PTPRE: variants seen among roughly 807,000 people sequenced by gnomAD.
PTPRE encodes receptor-type tyrosine-protein phosphatase epsilon.
Under a neutral mutation model 102.0 loss-of-function variants are expected in PTPRE, and 51 were observed. The observed-to-expected ratio is 0.50, with a 90% confidence interval of 0.40 to 0.63. PTPRE has a LOEUF of 0.63. PTPRE is among the 30% of genes least tolerant of loss of function. The probability of loss-of-function intolerance (pLI) is 0.00; values close to 1 mark genes in which losing one functional copy is unlikely to be tolerated. For missense variants in PTPRE, 752 were observed against 915.1 expected (o/e 0.82, Z 2.30); for synonymous variants, 345 against 348.2 (o/e 0.99, Z 0.10).
chr10:127,973,640 C>T (rs1850928036), intron 1 of PTPRE, among the ~76,000 whole-genome samples: 1 of 151,978 alleles, frequency 6.6e-6, no homozygotes. Context: ...GCTCTGAGTA[C>T]CATATTCCTG....
In PTPRE at chr10:128,072,154, G is replaced by T; in HGVS notation, c.1404G>T (p.Val468=). Residue 468 remains valine, a synonymous_variant, in exon 16 of 21, where the codon GTG becomes GTT. Coordinates refer to ENST00000254667, the MANE Select transcript of PTPRE (RefSeq NM_006504.6). ...IQIIPYDFNR[V]ILSMKRGQEY... ...GCTTTGCAGATGACTTCAACCGAGT[G>T]ATCCTTTCCATGAAAAGGGGTCAAG... 1 of 1,613,882 alleles carries T rather than the reference G, an allele frequency of 6.2e-7. No homozygotes were observed. Among genetic ancestry groups the T allele is most frequent in the Non-Finnish European group, 8.5e-7 (1 of 1,179,880 alleles).
intron 1 of PTPRE, among the ~76,000 whole-genome samples, chr10:127,931,813 T>C (rs1008268482): frequency 6.6e-6 from 1 of 152,254 alleles, no homozygotes; most frequent in Non-Finnish European, 1.5e-5. Flanking sequence ...TATTACTGTT[T>C]ATCTCCACAA....
At chr10:128,082,350 T>C (rs2136097287) in intron 20 of PTPRE, among the ~76,000 whole-genome samples, 1 of 151,882 alleles carries the variant, frequency 6.6e-6, no homozygotes, top group African/African-American at 2.4e-5. Flanking sequence ...TAGCTGGGAC[T>C]ATGGGTGTGC....
intron 6 of PTPRE, among the ~76,000 whole-genome samples, chr10:128,053,759 T>A (rs3935272): frequency 0.12 from 17,724 of 151,704 alleles, 1,074 homozygotes; most frequent in Non-Finnish European, 0.14. Context: ...TTAATTTATT[T>A]ATTTATTTAT....
At position 128,060,981 on chromosome 10, in the gene PTPRE, C is replaced by T. The variant is rs575682606; in HGVS notation, c.554C>T (p.Pro185Leu). ...RVILSQLDGI[P>L]CSDYINASYI... ...ATTCTGAGCCAACTGGATGGAATTC[C>T]CTGTTCAGACTACATCAATGCTTCC... Residue 185 changes from proline to leucine, a missense_variant, in exon 8 of 21, where the codon CCC (proline) becomes CTC (leucine). Coordinates refer to ENST00000254667, the MANE Select transcript of PTPRE (RefSeq NM_006504.6). 6.2e-7 allele frequency: 1 copy of T among 1,614,098 alleles called. No homozygotes were observed. Among genetic ancestry groups the T allele is most frequent in the South Asian group, 1.1e-5 (1 of 91,076 alleles).
rs4075075 is a variant in PTPRE at position 128,008,605 on chromosome 10, A to G, written c.-8+26309A>G. 0.28 allele frequency among the ~76,000 whole-genome samples: 42,646 copies of G among 151,948 alleles called. 6,226 individuals carry two copies. The highest frequency in any genetic ancestry group is 0.44 in the East Asian group (2,238 of 5,142). ...GGAGCATCCCGCCTTTGCTTTTGGT[A>G]TGGGAAGGAGCCCGACACACCTGGT... On this transcript the variant is annotated intron_variant, in intron 2 of 20. Transcript: ENST00000254667. This position sits in a 1 kb window ranked among gnomAD's most constrained non-coding sequence, Gnocchi z 4.0.
intron 17 of PTPRE, among the ~76,000 whole-genome samples, chr10:128,075,452 C>A (rs12240505): frequency 0.14 from 21,421 of 152,032 alleles, 1,683 homozygotes; most frequent in East Asian, 0.26. Flanking sequence ...ACCCTCCACC[C>A]CCCAACTGGC....
intron 2 of PTPRE, chr10:127,998,534 T>C (rs1312979594): frequency 6.6e-6 from 1 of 152,174 alleles, no homozygotes; most frequent in Non-Finnish European, 1.5e-5. Flanking sequence ...TCTAGCACAG[T>C]CCTTGGCACA....
chr10:128,066,975 C>A (rs991183565), intron 11 of PTPRE, among the ~76,000 whole-genome samples: 1 of 134,136 alleles, frequency 7.5e-6, no homozygotes, highest in African/African-American at 2.5e-5. Flanking sequence ...TACACATGCA[C>A]ACACACCCAC....
chr10:127,991,394 TA>T (rs34998796), intron 2 of PTPRE, among the ~76,000 whole-genome samples: 2 of 152,196 alleles, frequency 1.3e-5, no homozygotes, highest in South Asian at 4.1e-4. Context: ...CATTTTCCTT[TA>T]AAAAATTCTT....
At chr10:127,959,646 C>G (rs1375851332) in intron 1 of PTPRE, among the ~76,000 whole-genome samples, 1 of 152,244 alleles carries the variant, frequency 6.6e-6, no homozygotes. Flanking sequence ...AAGCCACACA[C>G]TTTTCAACGA....
At chr10:128,000,458 G>A (rs772041598) in intron 2 of PTPRE, among the ~76,000 whole-genome samples, 113 of 152,228 alleles carry the variant, frequency 7.4e-4, no homozygotes, top group African/African-American at 2.2e-3. Flanking sequence ...CTCTAGCTGC[G>A]TTTCTTTTCT....
At chr10:128,064,015 G>T (rs139493695) in intron 10 of PTPRE, among the ~76,000 whole-genome samples, 48 of 152,306 alleles carry the variant, frequency 3.2e-4, no homozygotes, top group Admixed American at 1.9e-3. Context: ...CGTGTGTCCT[G>T]CCCGGCCCTG....
intron 2 of PTPRE, among the ~76,000 whole-genome samples, chr10:128,011,427 G>A (rs1251509582): frequency 2.6e-5 from 4 of 152,230 alleles, no homozygotes; most frequent in Non-Finnish European, 5.9e-5. Flanking sequence ...CCCCGGAGGA[G>A]GCGCGGGTTA....
chr10:128,063,014 G>T (rs1849746697), intron 9 of PTPRE, 69 bp from the exon 10 acceptor site: 2 of 1,597,880 alleles, frequency 1.3e-6, no homozygotes, highest in Admixed American at 1.7e-5. Flanking sequence ...CGGCCAGGGT[G>T]CCGGGGCTGG....
intron 2 of PTPRE, among the ~76,000 whole-genome samples, chr10:128,027,488 T>G (rs770985087): frequency 3.1e-4 from 47 of 152,296 alleles, no homozygotes; most frequent in Middle Eastern, 3.4e-3. Context: ...GCCATTTCCC[T>G]GCTGTAATCG....
intron 1 of PTPRE, among the ~76,000 whole-genome samples, chr10:127,939,421 G>T (rs777178432): frequency 6.6e-6 from 1 of 152,122 alleles, no homozygotes. Flanking sequence ...TTCAAACAGG[G>T]ATCTCACATT....
At chr10:128,030,939 C>T (rs1348684371) in intron 2 of PTPRE, among the ~76,000 whole-genome samples, 3 of 152,222 alleles carry the variant, frequency 2.0e-5, no homozygotes, top group African/African-American at 7.2e-5. Flanking sequence ...GTGTGCTTCC[C>T]CCGCCTAACA....
intron 2 of PTPRE, among the ~76,000 whole-genome samples, chr10:128,039,555 T>C (rs1005499384): frequency 6.6e-6 from 1 of 152,224 alleles, no homozygotes; most frequent in African/African-American, 2.4e-5. Flanking sequence ...AATATCCTCA[T>C]AATGGTTTCA....
Sources: allele counts gnomAD v4.1 joint callset (sites outside exome capture counted in the v4.1 genomes callset), GRCh38; gene constraint gnomAD v4.1.1; non-coding constraint Gnocchi (gnomAD v3.1); transcripts MANE v1.5; gene names NCBI Gene and HGNC (gene_info 2026-07-23, HGNC 2026-07-21).